APBA2: variants seen among roughly 807,000 people sequenced by gnomAD.
APBA2 encodes the protein amyloid beta precursor protein binding family A member 2, also known as amyloid-beta A4 precursor protein-binding family A member 2.
APBA2 carries 30 observed loss-of-function variants against 75.0 expected under a neutral mutation model. That is an observed-to-expected ratio of 0.40 (90% CI 0.30 to 0.54). APBA2 has a LOEUF of 0.54. APBA2 is among the 20% of genes least tolerant of loss of function. The pLI is 0.49. For missense variants in APBA2, 801 were observed against 1,016.1 expected, an observed-to-expected ratio of 0.79 and a Z score of 2.88; for synonymous variants, 444 against 409.6, an observed-to-expected ratio of 1.08 and a Z score of -1.01.
chr15:28,926,852 TCTC>T (rs1237272586), intron 2 of APBA2, among the ~76,000 whole-genome samples: 11 of 133,198 alleles, frequency 8.3e-5, no homozygotes, highest in African/African-American at 3.5e-4. Flanking sequence ...ACTCTCTCTC[TCTC>T]TCTTTTTTTT....
chr15:28,941,502 CAAAAAA>C (rs72376564), intron 2 of APBA2, among the ~76,000 whole-genome samples: 2 of 59,822 alleles, frequency 3.3e-5, no homozygotes, highest in Non-Finnish European at 3.4e-5. Flanking sequence ...ACTTGGGAGG[CAAAAAA>C]AAAAAAAAAA....
intron 2 of APBA2, among the ~76,000 whole-genome samples, chr15:28,973,973 A>G (rs1287889827): frequency 6.6e-6 from 1 of 152,232 alleles, no homozygotes; most frequent in Non-Finnish European, 1.5e-5. Flanking sequence ...ACTAAAGAAT[A>G]GAACTGAGAC....
chr15:29,020,610 A>C (rs913293200), intron 3 of APBA2, among the ~76,000 whole-genome samples: 2 of 151,858 alleles, frequency 1.3e-5, no homozygotes, highest in African/African-American at 4.9e-5. Context: ...GTTTGAGACC[A>C]GCCTGACCAA....
chr15:29,099,901 G>A (rs1242710951), intron 9 of APBA2, among the ~76,000 whole-genome samples: 1 of 152,254 alleles, frequency 6.6e-6, no homozygotes, highest in African/African-American at 2.4e-5. Flanking sequence ...GCTGGATCCT[G>A]TGAAGGAGAG....
chr15:29,001,845 G>C (rs140312140), intron 3 of APBA2, among the ~76,000 whole-genome samples: 98 of 152,246 alleles, frequency 6.4e-4, no homozygotes, highest in African/African-American at 2.3e-3. Flanking sequence ...AAAGTAGCAC[G>C]AGGAACTGTG....
intron 2 of APBA2, among the ~76,000 whole-genome samples, chr15:28,925,871 G>A (rs536887647): frequency 1.1e-4 from 17 of 152,216 alleles, no homozygotes; most frequent in African/African-American, 3.9e-4. Context: ...TAGGTGCATA[G>A]CCTTTAAGGA....
chr15:28,959,113 C>A (rs28640877), intron 2 of APBA2, among the ~76,000 whole-genome samples: 21,191 of 152,066 alleles, frequency 0.14, 3,556 homozygotes, highest in African/African-American at 0.39. Context: ...CTCAGTCTCC[C>A]GAGTAGCTGG....
At chr15:29,029,440 C>T (rs1192885457) in intron 3 of APBA2, among the ~76,000 whole-genome samples, 1 of 152,100 alleles carries the variant, frequency 6.6e-6, no homozygotes, top group African/African-American at 2.4e-5. Context: ...TCTAAAAATA[C>T]ATCATTTACA....
At chr15:29,037,346 T>A (rs892294340) in intron 3 of APBA2, among the ~76,000 whole-genome samples, 1 of 152,156 alleles carries the variant, frequency 6.6e-6, no homozygotes, top group African/African-American at 2.4e-5. Context: ...GGTGGGTGTG[T>A]AGCCACCGTG....
chr15:28,981,012 C>A (rs974664640), intron 2 of APBA2, among the ~76,000 whole-genome samples: 9 of 152,290 alleles, frequency 5.9e-5, no homozygotes, highest in Non-Finnish European at 1.0e-4. Flanking sequence ...TGGATCCCTA[C>A]CTTTTACCAT....
At chr15:28,967,844 C>T (rs1461512601) in intron 2 of APBA2, among the ~76,000 whole-genome samples, 1 of 152,130 alleles carries the variant, frequency 6.6e-6, no homozygotes, top group Non-Finnish European at 1.5e-5. Flanking sequence ...AGGTCAGTGA[C>T]GTTAAGGACA....
intron 1 of APBA2, among the ~76,000 whole-genome samples, chr15:28,905,878 G>T (rs763238422): frequency 2.6e-5 from 4 of 152,154 alleles, no homozygotes; most frequent in Admixed American, 6.5e-5. Flanking sequence ...AAATTAAAAT[G>T]TACTAATTAT....
At chr15:29,091,721 G>A (rs979185615) in intron 6 of APBA2, among the ~76,000 whole-genome samples, 1 of 152,208 alleles carries the variant, frequency 6.6e-6, no homozygotes, top group Non-Finnish European at 1.5e-5. Flanking sequence ...TATTGAAGTG[G>A]TGGATGGCAG....
chr15:28,979,021 C>T (rs2037484068), intron 2 of APBA2, among the ~76,000 whole-genome samples: 1 of 152,206 alleles, frequency 6.6e-6, no homozygotes, highest in African/African-American at 2.4e-5. Flanking sequence ...ACAACGGGTC[C>T]CCAGGGTTGC....
intron 4 of APBA2, among the ~76,000 whole-genome samples, chr15:29,061,854 T>C (rs532355581): frequency 1.3e-5 from 2 of 152,322 alleles, no homozygotes; most frequent in African/African-American, 4.8e-5. Flanking sequence ...AGTGTCAGTA[T>C]CTGCTTTACA....
intron 9 of APBA2, among the ~76,000 whole-genome samples, chr15:29,101,216 C>A (rs1484332210): frequency 3.4e-5 from 1 of 29,780 alleles, no homozygotes; most frequent in Non-Finnish European, 3.0e-4. Flanking sequence ...AATTGGAGTG[C>A]CTTTTTTTTT....
intron 6 of APBA2, among the ~76,000 whole-genome samples, chr15:29,088,404 T>C (rs972370807): frequency 6.6e-6 from 1 of 152,150 alleles, no homozygotes; most frequent in Non-Finnish European, 1.5e-5. Flanking sequence ...CTCCTGCCAC[T>C]AAACTTGCCT....
chr15:28,908,251 C>T (rs556859410), intron 1 of APBA2, among the ~76,000 whole-genome samples: 1 of 152,166 alleles, frequency 6.6e-6, no homozygotes, highest in East Asian at 1.9e-4. Flanking sequence ...AGTCACGCCC[C>T]TGTCACTCCC....
chr15:29,094,159 T>C (rs1262824179), intron 7 of APBA2, 119 bp from the exon 8 acceptor site: 3 of 1,072,320 alleles, frequency 2.8e-6, no homozygotes, highest in Non-Finnish European at 4.4e-6. Context: ...CCGTCCCTGC[T>C]GGGCTTTGCT....
Sources: allele counts gnomAD v4.1 joint callset (sites outside exome capture counted in the v4.1 genomes callset), GRCh38; gene constraint gnomAD v4.1.1; transcripts MANE v1.5; gene names NCBI Gene and HGNC (gene_info 2026-07-23, HGNC 2026-07-21).